STK3: variants seen among roughly 807,000 people sequenced by gnomAD.
STK3 encodes serine/threonine-protein kinase 3.
A neutral mutation model predicts 58.0 loss-of-function variants in STK3; 41 were observed. The observed-to-expected ratio is 0.71, with a 90% CI of 0.55 to 0.92. The LOEUF (loss-of-function observed/expected upper bound fraction) is 0.92, where lower values mean the gene tolerates loss of function less well. Among genes scored for constraint, STK3 ranks in the 40% least tolerant of loss-of-function variants. The probability of loss-of-function intolerance (pLI) is 0.00; values close to 1 mark genes in which losing one functional copy is unlikely to be tolerated. For missense variants in STK3, 479 were observed against 602.7 expected (o/e 0.79, Z 2.15); for synonymous variants, 170 against 191.0 (o/e 0.89, Z 0.91).
intron 4 of STK3, among the ~76,000 whole-genome samples, chr8:98,719,395 A>T (rs914463210): frequency 4.6e-5 from 7 of 152,182 alleles, no homozygotes; most frequent in African/African-American, 1.7e-4. Context: ...CTGATTTGTT[A>T]TCTCTGCTCC....
intron 3 of STK3, among the ~76,000 whole-genome samples, chr8:98,870,340 T>A (rs1362286093): frequency 6.6e-6 from 1 of 152,254 alleles, no homozygotes; most frequent in African/African-American, 2.4e-5. Flanking sequence ...TGATTTATAA[T>A]CCTTTGGGTA....
intron 1 of STK3, among the ~76,000 whole-genome samples, chr8:98,805,350 C>T (rs969544325): frequency 6.6e-6 from 1 of 152,070 alleles, no homozygotes; most frequent in South Asian, 2.1e-4. Flanking sequence ...GAGGCCGAGG[C>T]GGGCAGATCA....
intron 6 of STK3, among the ~76,000 whole-genome samples, chr8:98,596,756 T>C (rs1001521961): frequency 6.6e-6 from 1 of 152,082 alleles, no homozygotes; most frequent in Non-Finnish European, 1.5e-5. Context: ...GTGGTAATGA[T>C]AATACATTCA....
chr8:98,512,296 T>C (rs971139209), intron 10 of STK3, among the ~76,000 whole-genome samples: 4 of 152,140 alleles, frequency 2.6e-5, no homozygotes, highest in Non-Finnish European at 4.4e-5. Context: ...AAACAATAAA[T>C]AGAGACTATA....
intron 2 of STK3, chr8:98,434,373 T>C: frequency 6.6e-6 from 1 of 152,328 alleles, no homozygotes; most frequent in Non-Finnish European, 1.5e-5. Flanking sequence ...CAGGATGCCT[T>C]ACATCTTAAA....
intron 1 of STK3, among the ~76,000 whole-genome samples, chr8:98,936,617 CAG>C (rs1724002848): frequency 6.6e-6 from 1 of 152,192 alleles, no homozygotes; most frequent in South Asian, 2.1e-4. Flanking sequence ...AATGATGAGA[CAG>C]AGGGGGAGCA....
Position 98,574,149 on chromosome 8 carries a change from A to T in STK3, c.948+5515T>A, listed in dbSNP as rs1406475013. ...GTTGGCTATAGGAACCAGAAAAGTA[A>T]CAGGAAAAGTAAAAAATGTACCTAA... On this transcript the variant is annotated intron_variant, in intron 8 of 10. Coordinates refer to ENST00000419617, the MANE Select transcript of STK3 (RefSeq NM_006281.4). Among the ~76,000 whole-genome samples, 13 of 152,286 alleles carry T rather than the reference A, an allele frequency of 8.5e-5. No homozygotes were observed. In the East Asian group the frequency reaches 2.5e-3, roughly 29 times the overall value.
intron 8 of STK3, 105 bp from the exon 9 acceptor site, chr8:98,548,266 A>C: frequency 3.6e-6 from 3 of 823,966 alleles, no homozygotes; most frequent in Non-Finnish European, 3.3e-6. Flanking sequence ...CTTATTAAAA[A>C]TACTATTAGT....
chr8:98,694,722 T>C lies in STK3; in HGVS notation c.684+11745A>G, dbSNP rs535915513. Among the ~76,000 whole-genome samples, 43 of 152,372 alleles carry C rather than the reference T, an allele frequency of 2.8e-4. No individual in the cohort carries two copies. The East Asian group carries it at 6.0e-3, about 21-fold the overall frequency. ...TGCATATCATTCCATGGTGTATATGTGCCACATTTTCTTAATCCAGTCTAT... is the reference window on the plus strand; with the variant it reads ...TGCATATCATTCCATGGTGTATATGCGCCACATTTTCTTAATCCAGTCTAT... On this transcript the variant is annotated intron_variant, in intron 6 of 10. Coordinates refer to ENST00000419617, the MANE Select transcript of STK3 (RefSeq NM_006281.4).
intron 3 of STK3, among the ~76,000 whole-genome samples, chr8:98,757,560 A>T (rs1434857006): frequency 6.8e-6 from 1 of 147,658 alleles, no homozygotes; most frequent in African/African-American, 2.5e-5. Context: ...GCGCCATTGC[A>T]TTCCAGCCTG....
intron 6 of STK3, among the ~76,000 whole-genome samples, chr8:98,693,910 T>C (rs1317573038): frequency 6.6e-6 from 1 of 152,234 alleles, no homozygotes; most frequent in South Asian, 2.1e-4. Context: ...GTTGGGTTTT[T>C]TTAAATATTA....
intron 1 of STK3, chr8:98,905,151 C>G: frequency 7.2e-7 from 1 of 1,389,926 alleles, no homozygotes; most frequent in Non-Finnish European, 1.0e-6. Flanking sequence ...CTCTTTGGAC[C>G]AGTGACCTTC....
At chr8:98,888,257 T>C (rs1457170994) in intron 1 of STK3, among the ~76,000 whole-genome samples, 1 of 152,134 alleles carries the variant, frequency 6.6e-6, no homozygotes, top group Non-Finnish European at 1.5e-5. Flanking sequence ...AGGCGGAGGA[T>C]GCAGTGAGCC....
At chr8:98,862,501 A>T (rs1290801953) in intron 3 of STK3, among the ~76,000 whole-genome samples, 1 of 152,198 alleles carries the variant, frequency 6.6e-6, no homozygotes, top group Non-Finnish European at 1.5e-5. Context: ...AGCTATGTAA[A>T]TTCATAGGCC....
chr8:98,615,473 CG>C (rs1309674652), intron 6 of STK3, among the ~76,000 whole-genome samples: 2 of 150,356 alleles, frequency 1.3e-5, no homozygotes, highest in Admixed American at 1.3e-4. Flanking sequence ...ATGACTTTGA[CG>C]AGCTGAGAGA....
At chr8:98,494,477 T>C (rs1356280551) in intron 10 of STK3, among the ~76,000 whole-genome samples, 1 of 151,864 alleles carries the variant, frequency 6.6e-6, no homozygotes, top group African/African-American at 2.4e-5. Context: ...ACTTCTTAAC[T>C]GGCTTAGATT....
intron 4 of STK3, among the ~76,000 whole-genome samples, chr8:98,721,870 A>C (rs981768199): frequency 2.0e-5 from 3 of 152,184 alleles, no homozygotes; most frequent in Non-Finnish European, 4.4e-5. Context: ...TCCAAGAAGC[A>C]CTAGGAAACA....
downstream of STK3, among the ~76,000 whole-genome samples, chr8:98,451,336 T>C (rs1563614257): frequency 6.6e-6 from 1 of 152,040 alleles, no homozygotes; most frequent in African/African-American, 2.4e-5. Flanking sequence ...AATAATGATA[T>C]AGAGAGTTTG....
At chr8:98,700,975 C>T (rs916973164) in intron 6 of STK3, among the ~76,000 whole-genome samples, 1 of 152,158 alleles carries the variant, frequency 6.6e-6, no homozygotes, top group African/African-American at 2.4e-5. Context: ...TGCACTCCAG[C>T]CTGGGTGACA....
Sources: allele counts gnomAD v4.1 joint callset (sites outside exome capture counted in the v4.1 genomes callset), GRCh38; gene constraint gnomAD v4.1.1; transcripts MANE v1.5; gene names NCBI Gene and HGNC (gene_info 2026-07-23, HGNC 2026-07-21).